Variants in CSRNP3 observed in about 807,000 individuals in gnomAD.
The protein encoded by CSRNP3 is cysteine/serine-rich nuclear protein 3.
CSRNP3 carries 12 observed loss-of-function variants against 48.0 expected under a neutral mutation model. The ratio of observed to expected loss-of-function variants is 0.25; its 90% CI spans 0.16 to 0.41. CSRNP3 has a LOEUF of 0.41. Ranked by LOEUF, CSRNP3 falls within the 10% of genes least tolerant of loss-of-function variation. The probability of loss-of-function intolerance (pLI) is 1.00; values close to 1 mark genes in which losing one functional copy is unlikely to be tolerated. For missense variants in CSRNP3, 580 were observed against 724.4 expected (o/e 0.80, Z 2.29); for synonymous variants, 263 against 269.7 (o/e 0.98, Z 0.24).
At chr2:165,602,361 C>A (rs1685930102) in intron 4 of CSRNP3, among the ~76,000 whole-genome samples, 1 of 152,166 alleles carries the variant, frequency 6.6e-6, no homozygotes. Context: ...TTCCCAGACT[C>A]TTCACACCCA....
At chr2:165,473,077 T>C (rs1683914751) in intron 1 of CSRNP3, among the ~76,000 whole-genome samples, 1 of 152,038 alleles carries the variant, frequency 6.6e-6, no homozygotes, top group African/African-American at 2.4e-5. Context: ...CAACCCCTAT[T>C]TAAGGCACAA....
intron 2 of CSRNP3, 28 bp downstream of exon 2, chr2:165,494,956 G>T (rs940296639): frequency 6.5e-6 from 1 of 152,980 alleles, no homozygotes; most frequent in African/African-American, 2.4e-5. Flanking sequence ...TGTTTCAGTT[G>T]TGCTCTAAAT....
At chr2:165,551,457 G>T (rs1277760227) in intron 3 of CSRNP3, among the ~76,000 whole-genome samples, 2 of 152,110 alleles carry the variant, frequency 1.3e-5, no homozygotes, top group Non-Finnish European at 2.9e-5. Context: ...GTTGTCCCTT[G>T]GTGCTAAATC....
chr2:165,508,910 T>TA (rs1684463959), intron 2 of CSRNP3, among the ~76,000 whole-genome samples: 1 of 152,206 alleles, frequency 6.6e-6, no homozygotes, highest in African/African-American at 2.4e-5. Context: ...AAGGCTATAA[T>TA]ATATATTCTT....
In CSRNP3 at chr2:165,521,139, A is replaced by C. The variant is rs377152826; in HGVS notation, c.-24+3178A>C. ...GGTCAGCTCTGTAAGTTTAACCACA[A>C]AGAGACAGCTTGTGTTGTCTGTTAT... On this transcript the variant is annotated intron_variant, in intron 3 of 6. Transcript: ENST00000651982. Among the ~76,000 whole-genome samples the C allele has an allele frequency of 4.9e-4, 74 of 150,722 alleles. 1 individual carries two copies. The South Asian group carries it at 0.014, about 28-fold the overall frequency.
In CSRNP3 at chr2:165,679,089, C is replaced by T. The variant is rs1283393803; in HGVS notation, c.1094C>T (p.Ala365Val). ...ACAGATTCTAGCACGCAAAGCTTGG[C>T]ACCTAGTGAGTCAGACGAGGAGGAG... ...GVTDSSTQSL[A>V]PSESDEEEEE... Residue 365 changes from alanine (A) to valine (V), a missense_variant, in exon 7 of 7, where the codon GCA becomes GTA. Ala to Val is a moderately conservative substitution (Grantham distance 64). Coordinates refer to ENST00000651982, the MANE Select transcript of CSRNP3 (RefSeq NM_001172173.2). 1 of 1,613,480 alleles carries T rather than the reference C, an allele frequency of 6.2e-7. No homozygotes were observed. Among genetic ancestry groups the T allele is most frequent in the Admixed American group, 1.7e-5 (1 of 59,962 alleles).
At position 165,557,087 on chromosome 2, in the gene CSRNP3, T is replaced by C. The variant is rs368750760; in HGVS notation, c.-23-37956T>C. 3.3e-5 allele frequency among the ~76,000 whole-genome samples: 5 copies of C among 152,306 alleles called. No individual in the cohort carries two copies. The South Asian group carries it at 6.2e-4, about 19-fold the overall frequency. ...CAAGGGTCAGCAAACTATGGCCTGT[T>C]GTACAAATCTGCCTCACTACCCATT... On this transcript the variant is annotated intron_variant, in intron 3 of 6. Coordinates refer to ENST00000651982, the MANE Select transcript of CSRNP3 (RefSeq NM_001172173.2).
chr2:165,585,304 A>G (rs1020566399), intron 3 of CSRNP3, among the ~76,000 whole-genome samples: 2 of 151,136 alleles, frequency 1.3e-5, no homozygotes, highest in African/African-American at 2.4e-5. Flanking sequence ...TTCATCTTCT[A>G]TCTGGCCCAG....
At chr2:165,562,685 T>C (rs933617377) in intron 3 of CSRNP3, among the ~76,000 whole-genome samples, 2 of 152,186 alleles carry the variant, frequency 1.3e-5, no homozygotes, top group African/African-American at 4.8e-5. Flanking sequence ...TTTTCAATAG[T>C]GTTGAGCATT....
At chr2:165,524,894 C>T (rs528409902) in intron 3 of CSRNP3, among the ~76,000 whole-genome samples, 1 of 152,128 alleles carries the variant, frequency 6.6e-6, no homozygotes, top group South Asian at 2.1e-4. Context: ...TATAAATATC[C>T]ACGTAGAAAT....
intron 3 of CSRNP3, among the ~76,000 whole-genome samples, chr2:165,552,312 AG>A (rs2105260891): frequency 6.6e-6 from 1 of 152,340 alleles, no homozygotes; most frequent in African/African-American, 2.4e-5. Context: ...GGTGCTCTTA[AG>A]CCACCCACTT....
At chr2:165,616,851 GT>G (rs1303995927) in intron 4 of CSRNP3, among the ~76,000 whole-genome samples, 4 of 151,676 alleles carry the variant, frequency 2.6e-5, no homozygotes, top group African/African-American at 9.7e-5. Context: ...CTTTAAATTT[GT>G]TTTTTTGTTT....
intron 2 of CSRNP3, among the ~76,000 whole-genome samples, chr2:165,508,049 C>G (rs973435154): frequency 6.6e-6 from 1 of 151,964 alleles, no homozygotes; most frequent in African/African-American, 2.4e-5. Flanking sequence ...AAAAGTTGAG[C>G]TAACCAATTA....
chr2:165,664,447 G>A (rs528509294), intron 5 of CSRNP3, among the ~76,000 whole-genome samples: 5 of 152,302 alleles, frequency 3.3e-5, no homozygotes, highest in African/African-American at 4.8e-5. Context: ...CATGTGACCC[G>A]AATTCTGCCC....
intron 5 of CSRNP3, among the ~76,000 whole-genome samples, chr2:165,667,250 C>T (rs1031647231): frequency 6.6e-6 from 1 of 152,150 alleles, no homozygotes; most frequent in Non-Finnish European, 1.5e-5. Context: ...GGGCAGAAAG[C>T]CCAAGATGCA....
chr2:165,589,696 G>GA (rs1685686391), intron 3 of CSRNP3, among the ~76,000 whole-genome samples: 1 of 151,878 alleles, frequency 6.6e-6, no homozygotes. Flanking sequence ...TAACTAAAAG[G>GA]AAAAAAGAGG....
rs550695455 is a variant in CSRNP3, at chr2:165,631,230, C to T, written c.149-26531C>T. Among the ~76,000 whole-genome samples the T allele has an allele frequency of 2.6e-5, 4 of 152,234 alleles. No homozygotes were observed. In the South Asian group the frequency reaches 8.3e-4, roughly 32 times the overall value. ...GCTCCCTGTGACTTATGACTTCAGGCAATTGACTAGGGGCTAGAGACAATG... is the reference window on the plus strand; with the variant it reads ...GCTCCCTGTGACTTATGACTTCAGGTAATTGACTAGGGGCTAGAGACAATG... On this transcript the variant is annotated intron_variant, in intron 4 of 6. Transcript: ENST00000651982.
At chr2:165,655,994 G>T (rs937024671) in intron 4 of CSRNP3, among the ~76,000 whole-genome samples, 1 of 151,826 alleles carries the variant, frequency 6.6e-6, no homozygotes, top group African/African-American at 2.4e-5. Flanking sequence ...TAGCATATTT[G>T]GTGGAGAGGG....
Position 165,489,139 on chromosome 2 carries a change from C to G in CSRNP3, c.-282-5620C>G, listed in dbSNP as rs1244912453. The stretch of plus-strand genomic sequence containing the variant: ...TATCACCACTGATCCCACAGAAATA[C>G]AAACTACCATCAGAGAATACTACAA... On this transcript the variant is annotated intron_variant, in intron 1 of 6. Coordinates refer to ENST00000651982, the MANE Select transcript of CSRNP3 (RefSeq NM_001172173.2). Among the ~76,000 whole-genome samples, 27 of 150,560 alleles carry G rather than the reference C, an allele frequency of 1.8e-4. 1 individual carries two copies. The highest frequency in any genetic ancestry group is 6.1e-4 in the African/African-American group (25 of 40,654).
Sources: allele counts gnomAD v4.1 joint callset (sites outside exome capture counted in the v4.1 genomes callset), GRCh38; gene constraint gnomAD v4.1.1; transcripts MANE v1.5; gene names NCBI Gene and HGNC (gene_info 2026-07-23, HGNC 2026-07-21).